ZZEF1: variants seen among roughly 807,000 people sequenced by gnomAD.
ZZEF1 encodes the protein zinc finger ZZ-type and EF-hand domain-containing protein 1.
A neutral mutation model predicts 342.8 loss-of-function variants in ZZEF1; 157 were observed. That is an observed-to-expected ratio of 0.46 (90% CI 0.40 to 0.52). The LOEUF is 0.52. ZZEF1 is among the 20% of genes least tolerant of loss of function. The pLI, the probability that ZZEF1 is intolerant of heterozygous loss-of-function variation, is 0.00. For missense variants in ZZEF1, 3,480 were observed against 3,725.6 expected (o/e 0.93, Z 1.72); for synonymous variants, 1,505 against 1,429.1 (o/e 1.05, Z -1.20).
chr17:4,137,148 G>T (rs1008967886), intron 1 of ZZEF1, among the ~76,000 whole-genome samples: 1 of 152,152 alleles, frequency 6.6e-6, no homozygotes, highest in African/African-American at 2.4e-5. Flanking sequence ...AGCCACTGAA[G>T]TTTCTAAAGC....
chr17:4,020,444 G>A (rs2056239937), intron 45 of ZZEF1, among the ~76,000 whole-genome samples: 1 of 152,174 alleles, frequency 6.6e-6, no homozygotes, highest in African/African-American at 2.4e-5. Context: ...CTGGCCTCAA[G>A]TGATCCTCCT....
chr17:4,092,727 T>C (rs139760589), intron 11 of ZZEF1, among the ~76,000 whole-genome samples: 3 of 152,286 alleles, frequency 2.0e-5, no homozygotes, highest in Admixed American at 1.3e-4. Flanking sequence ...ATCAATATCA[T>C]AAGCTTAAAG....
At chr17:4,137,607 C>A (rs1180789901) in intron 1 of ZZEF1, among the ~76,000 whole-genome samples, 1 of 152,066 alleles carries the variant, frequency 6.6e-6, no homozygotes, top group Non-Finnish European at 1.5e-5. Flanking sequence ...GACTCTGTCT[C>A]AAAATAATAA....
intron 18 of ZZEF1, among the ~76,000 whole-genome samples, chr17:4,079,627 G>A (rs2057685460): frequency 6.6e-6 from 1 of 152,164 alleles, no homozygotes; most frequent in South Asian, 2.1e-4. Flanking sequence ...GGCTTATAAA[G>A]TCAACGTTAC....
At position 4,016,333 on chromosome 17, in the gene ZZEF1, G is replaced by T; in HGVS notation, c.8135C>A (p.Thr2712Asn). Residue 2712 changes from threonine to asparagine, a missense_variant, in exon 49 of 55, where the codon ACC (threonine) becomes AAC (asparagine). By Grantham distance (65) the Thr-to-Asn change is moderately conservative. Transcript: ENST00000381638. The surrounding 1 kb of genome is among the most constrained non-coding windows in gnomAD (Gnocchi z 4.4). ...CGGCCCCAGGCTTACCTCGAAGTTG[G>T]TGTTGTTGTTATACGGGTGTTTCGA... Reference protein sequence around the residue: ...RESKHPYNNNTNFEDKVHIPG... With the variant: ...RESKHPYNNNNNFEDKVHIPG... 2 of 1,613,986 alleles carry T rather than the reference G, an allele frequency of 1.2e-6. No individual in the cohort carries two copies. Among genetic ancestry groups the T allele is most frequent in the South Asian group, 1.1e-5 (1 of 91,064 alleles).
At chr17:4,113,042 T>G (rs567490174) in intron 4 of ZZEF1, among the ~76,000 whole-genome samples, 5 of 152,208 alleles carry the variant, frequency 3.3e-5, no homozygotes, top group Admixed American at 3.3e-4. Flanking sequence ...TTTAAGCTAT[T>G]TGTACAGAAA....
At chr17:4,073,471 AC>A (rs1160490546) in intron 24 of ZZEF1, among the ~76,000 whole-genome samples, 4 of 152,162 alleles carry the variant, frequency 2.6e-5, no homozygotes, top group Non-Finnish European at 4.4e-5. Flanking sequence ...TCTCTCTGTT[AC>A]CCAGACTGGA....
intron 16 of ZZEF1, among the ~76,000 whole-genome samples, chr17:4,083,639 T>TC (rs200462874): frequency 1.6e-4 from 5 of 31,162 alleles, no homozygotes; most frequent in African/African-American, 2.5e-4. Context: ...TTTTGTTCCT[T>TC]TTTTTTTTTT....
intron 7 of ZZEF1, 107 bp downstream of exon 7, chr17:4,105,586 T>C (rs2058197411): frequency 2.2e-6 from 2 of 914,482 alleles, no homozygotes; most frequent in African/African-American, 1.7e-5. Flanking sequence ...AAAGCAACCA[T>C]TTTTAGTGGT....
intron 1 of ZZEF1, among the ~76,000 whole-genome samples, chr17:4,139,311 T>C (rs1352339072): frequency 1.3e-5 from 2 of 152,162 alleles, no homozygotes; most frequent in East Asian, 3.8e-4. Flanking sequence ...GCAGCGTAAG[T>C]TGGGAAGCCA....
intron 2 of ZZEF1, among the ~76,000 whole-genome samples, chr17:4,121,233 A>G (rs913641821): frequency 6.6e-5 from 10 of 152,158 alleles, no homozygotes; most frequent in African/African-American, 2.2e-4. Context: ...TTCCTCCCCA[A>G]AACTGTCTGA....
chr17:4,064,913 G>A (rs1351753336), intron 28 of ZZEF1, 84 bp from the exon 29 acceptor site: 5 of 1,002,616 alleles, frequency 5.0e-6, no homozygotes, highest in South Asian at 3.3e-5. Flanking sequence ...AGCATTAGAG[G>A]ATATACCTAA....
In ZZEF1 at chr17:4,112,617, C is replaced by T. The variant is rs1159750463; in HGVS notation, c.1058G>A (p.Ser353Asn). The change falls in exon 5 of 55, where the codon AGT becomes AAT. Residue 353 changes from serine (S) to asparagine (N), a missense_variant. This residue lies in a region of ZZEF1 where 92 missense variants were observed against 130.3 expected (regional missense o/e 0.71). Transcript: ENST00000381638. Reference sequence around the variant, plus strand: ...AGTTCTGTTGGACTTACAGAGCTGACTGACGTTGGCATTTTCCAGCAGCGT... The same window carrying T: ...AGTTCTGTTGGACTTACAGAGCTGATTGACGTTGGCATTTTCCAGCAGCGT... ...YVTLLENANV[S>N]QLYVQINIKR... 1 of 1,614,150 alleles carries T rather than the reference C, an allele frequency of 6.2e-7. No homozygotes were observed. Among genetic ancestry groups the T allele is most frequent in the East Asian group, 2.2e-5 (1 of 44,880 alleles).
chr17:4,045,294 G>T (rs1166614945), intron 37 of ZZEF1, among the ~76,000 whole-genome samples: 2 of 152,162 alleles, frequency 1.3e-5, no homozygotes, highest in East Asian at 3.8e-4. Flanking sequence ...ACCAAGCATG[G>T]AAAGTTGTTC....
In ZZEF1 at chr17:4,112,033, AATATATATATATATATAT is replaced by A. The variant is rs57925351; in HGVS notation, c.1066+558_1066+575del. Among the ~76,000 whole-genome samples, 481 of 54,282 alleles carry A rather than the reference AATATATATATATATATAT, an allele frequency of 8.9e-3. 5 individuals are homozygous for A. The highest frequency in any genetic ancestry group is 0.013 in the African/African-American group (229 of 17,692). The allele number at this position is 54,282 out of a possible 152,430, so 35.6% of individuals were successfully genotyped here. A position where few individuals can be genotyped will look rare whatever the true frequency, so the allele number is the denominator to read the frequency against. ...GGGTGACAAAAAGAGATCCTGTCTA[AATATATATATATATATAT>A]ATATATATATATATATATATATATA... is the stretch of plus-strand genomic sequence containing the variant. On this transcript the variant is annotated intron_variant, in intron 5 of 54. Coordinates refer to ENST00000381638, the MANE Select transcript of ZZEF1 (RefSeq NM_015113.4).
intron 49 of ZZEF1, among the ~76,000 whole-genome samples, chr17:4,015,035 C>T (rs1002291952): frequency 2.6e-5 from 4 of 152,168 alleles, no homozygotes; most frequent in African/African-American, 7.2e-5. Flanking sequence ...CACTCAGACT[C>T]TGGACAACAG....
At chr17:4,126,884 T>C (rs1567864879) in intron 1 of ZZEF1, among the ~76,000 whole-genome samples, 1 of 152,044 alleles carries the variant, frequency 6.6e-6, no homozygotes, top group East Asian at 1.9e-4. Context: ...CGAGAATCAC[T>C]TGAACCCAGG....
intron 39 of ZZEF1, among the ~76,000 whole-genome samples, chr17:4,036,776 T>TACACACACACACACAC (rs761229612): frequency 1.0e-5 from 1 of 99,914 alleles, no homozygotes; most frequent in African/African-American, 3.8e-5. Flanking sequence ...ATATATAGAA[T>TACACACACACACACAC]ACACACACAC....
intron 37 of ZZEF1, among the ~76,000 whole-genome samples, chr17:4,044,800 A>G (rs912269759): frequency 1.3e-5 from 2 of 151,936 alleles, no homozygotes; most frequent in African/African-American, 4.8e-5. Flanking sequence ...TACAGGCGTG[A>G]GCTACCAGGC....
Sources: gnomAD v4.1 joint callset for allele counts (sites outside exome capture counted in the v4.1 genomes callset) on GRCh38, gnomAD v4.1.1 for gene constraint, gnomAD v4.1.1 regional missense constraint, Gnocchi (gnomAD v3.1) non-coding constraint, MANE v1.5 for transcripts, NCBI Gene and HGNC (gene_info 2026-07-23, HGNC 2026-07-21) for gene names.